The following PAPPA variants were observed in gnomAD, a reference collection of about 807,000 sequenced individuals.
The protein encoded by PAPPA is pappalysin 1.
PAPPA carries 60 observed loss-of-function variants against 164.0 expected under a neutral mutation model. The ratio of observed to expected loss-of-function variants is 0.37; its 90% CI spans 0.30 to 0.45. PAPPA has a LOEUF of 0.45. Among genes scored for constraint, PAPPA ranks in the 20% least tolerant of loss-of-function variants. The pLI is 1.00. For missense variants in PAPPA, 1,782 were observed against 2,087.3 expected, an observed-to-expected ratio of 0.85 and a Z score of 2.85; for synonymous variants, 875 against 814.1, an observed-to-expected ratio of 1.07 and a Z score of -1.27.
intron 1 of PAPPA, among the ~76,000 whole-genome samples, chr9:116,183,211 T>A (rs1843927688): frequency 6.6e-6 from 1 of 152,170 alleles, no homozygotes; most frequent in African/African-American, 2.4e-5. Flanking sequence ...CAGCATTGTG[T>A]GTCCTGTATA....
At chr9:116,173,200 G>T (rs1404720156) in intron 1 of PAPPA, among the ~76,000 whole-genome samples, 1 of 152,164 alleles carries the variant, frequency 6.6e-6, no homozygotes, top group Non-Finnish European at 1.5e-5. Flanking sequence ...TATCCATTTA[G>T]AGCCTTAAAG....
At chr9:116,299,223 TTC>T (rs1280061528) in intron 9 of PAPPA, among the ~76,000 whole-genome samples, 1 of 152,176 alleles carries the variant, frequency 6.6e-6, no homozygotes, top group East Asian at 1.9e-4. Flanking sequence ...AAACTGCATC[TTC>T]TGTCTCTCTT....
intron 2 of PAPPA, among the ~76,000 whole-genome samples, chr9:116,205,250 G>A (rs1192567987): frequency 2.0e-5 from 3 of 151,952 alleles, no homozygotes; most frequent in Non-Finnish European, 4.4e-5. Context: ...CTTTGGGCTA[G>A]GATGAATACC....
chr9:116,257,550 A>G (rs1040652565), intron 7 of PAPPA, among the ~76,000 whole-genome samples: 3 of 152,048 alleles, frequency 2.0e-5, no homozygotes, highest in Admixed American at 2.0e-4. Flanking sequence ...AAATACAAAA[A>G]AATTAGTGGG....
intron 5 of PAPPA, among the ~76,000 whole-genome samples, chr9:116,223,154 C>T (rs1844465999): frequency 6.6e-6 from 1 of 152,184 alleles, no homozygotes; most frequent in South Asian, 2.1e-4. Context: ...AGAAATTCCC[C>T]TTCCCCTGCC....
chr9:116,293,578 G>A (rs1845463016), intron 9 of PAPPA, among the ~76,000 whole-genome samples: 2 of 152,222 alleles, frequency 1.3e-5, no homozygotes, highest in African/African-American at 4.8e-5. Context: ...TTGGAACTAA[G>A]AATAAATAGG....
chr9:116,292,307 A>G (rs1845446594), intron 9 of PAPPA, among the ~76,000 whole-genome samples: 1 of 152,194 alleles, frequency 6.6e-6, no homozygotes, highest in Non-Finnish European at 1.5e-5. Context: ...GTTCTGAAGG[A>G]GGGATAGTTG....
intron 7 of PAPPA, among the ~76,000 whole-genome samples, chr9:116,249,594 G>A (rs1338501542): frequency 1.3e-5 from 2 of 152,102 alleles, no homozygotes; most frequent in African/African-American, 4.8e-5. Flanking sequence ...TGGTAAACGA[G>A]GAAAAGCAAT....
At chr9:116,176,747 G>A (rs1843840510) in intron 1 of PAPPA, among the ~76,000 whole-genome samples, 1 of 152,088 alleles carries the variant, frequency 6.6e-6, no homozygotes, top group African/African-American at 2.4e-5. Flanking sequence ...ATTATGCTAG[G>A]CAATATGTGA....
intron 17 of PAPPA, among the ~76,000 whole-genome samples, chr9:116,355,440 G>A (rs1846340262): frequency 1.3e-5 from 2 of 152,184 alleles, no homozygotes; most frequent in Admixed American, 1.3e-4. Flanking sequence ...GAGTCCAGTA[G>A]GCACCACCTG....
intron 9 of PAPPA, among the ~76,000 whole-genome samples, chr9:116,274,258 T>G (rs964461832): frequency 1.3e-5 from 2 of 152,318 alleles, no homozygotes; most frequent in East Asian, 3.9e-4. Context: ...GAATTTGTAT[T>G]ACAGGAAAGC....
At chr9:116,376,232 G>T (rs563986830) in intron 19 of PAPPA, among the ~76,000 whole-genome samples, 2 of 152,176 alleles carry the variant, frequency 1.3e-5, no homozygotes, top group Admixed American at 1.3e-4. Flanking sequence ...TGTTGGCCAG[G>T]ATAGTCTCGA....
At chr9:116,394,840 C>A (rs1846941226) in intron 21 of PAPPA, among the ~76,000 whole-genome samples, 1 of 152,066 alleles carries the variant, frequency 6.6e-6, no homozygotes, top group Non-Finnish European at 1.5e-5. Context: ...CTTGTGGTAG[C>A]CATAAGTACA....
At chr9:116,202,824 G>T (rs1293070632) in intron 2 of PAPPA, among the ~76,000 whole-genome samples, 1 of 152,004 alleles carries the variant, frequency 6.6e-6, no homozygotes, top group Non-Finnish European at 1.5e-5. Flanking sequence ...AAAAATTCTT[G>T]CAATTAAAAA....
intron 7 of PAPPA, among the ~76,000 whole-genome samples, chr9:116,255,633 T>G (rs569594836): frequency 5.9e-5 from 9 of 152,102 alleles, no homozygotes; most frequent in African/African-American, 2.2e-4. Context: ...CCATCAGTTT[T>G]GGCAATTGAG....
intron 5 of PAPPA, 69 bp downstream of exon 5, chr9:116,220,198 G>A: frequency 4.0e-6 from 5 of 1,256,748 alleles, no homozygotes; most frequent in Non-Finnish European, 5.6e-6. Context: ...ACTTGGAAGG[G>A]AAGCAGACTT....
chr9:116,316,727 G>A (rs1377646011), intron 10 of PAPPA, among the ~76,000 whole-genome samples: 3 of 152,196 alleles, frequency 2.0e-5, no homozygotes, highest in African/African-American at 4.8e-5. Flanking sequence ...AGGTCTGCAG[G>A]ATGCTGTTAA....
chr9:116,352,959 C>T, intron 16 of PAPPA, 43 bp downstream of exon 16: 2 of 1,487,826 alleles, frequency 1.3e-6, no homozygotes, highest in South Asian at 1.2e-5. Flanking sequence ...TCTGGGAGGA[C>T]AAGAGTTAGG....
At chr9:116,274,043 C>G (rs886166734) in intron 9 of PAPPA, among the ~76,000 whole-genome samples, 2 of 151,606 alleles carry the variant, frequency 1.3e-5, no homozygotes, top group African/African-American at 4.9e-5. Context: ...AATTTAAACC[C>G]AGAGAGCCTG....
Sources: allele counts gnomAD v4.1 joint callset (sites outside exome capture counted in the v4.1 genomes callset), GRCh38; gene constraint gnomAD v4.1.1; transcripts MANE v1.5; gene names NCBI Gene and HGNC (gene_info 2026-07-23, HGNC 2026-07-21).